Variants in ADGRB3 observed in about 807,000 individuals in gnomAD.
The protein encoded by ADGRB3 is adhesion G protein-coupled receptor B3, also known as brain-specific angiogenesis inhibitor 3.
ADGRB3 carries 37 observed loss-of-function variants against 193.4 expected under a neutral mutation model. The ratio of observed to expected loss-of-function variants is 0.19; its 90% confidence interval spans 0.15 to 0.25. The LOEUF (loss-of-function observed/expected upper bound fraction) is 0.25. Among genes scored for constraint, ADGRB3 ranks in the 10% least tolerant of loss-of-function variants. The pLI is 1.00. For synonymous variants in ADGRB3, 690 were observed against 644.2 expected (o/e 1.07, Z -1.08); for missense variants, 1,637 against 1,852.9 (o/e 0.88, Z 2.14).
At chr6:69,210,764 G>T (rs1430814604) in intron 17 of ADGRB3, among the ~76,000 whole-genome samples, 1 of 152,026 alleles carries the variant, frequency 6.6e-6, no homozygotes, top group Non-Finnish European at 1.5e-5. Flanking sequence ...TTTTGGAGGG[G>T]ACGTTCAAAC....
At chr6:69,361,612 T>C in intron 29 of ADGRB3, 100 bp downstream of exon 29, 1 of 1,336,828 alleles carries the variant, frequency 7.5e-7, no homozygotes, top group South Asian at 1.5e-5. Context: ...GTGACACTGG[T>C]GTGGGAAGAG....
chr6:68,969,932 G>T (rs1768509069), intron 8 of ADGRB3, among the ~76,000 whole-genome samples: 1 of 152,120 alleles, frequency 6.6e-6, no homozygotes, highest in Non-Finnish European at 1.5e-5. Context: ...TGCCCATGTG[G>T]CCCTATAGGC....
At chr6:69,270,178 TA>T (rs1189151222) in intron 20 of ADGRB3, among the ~76,000 whole-genome samples, 11 of 152,148 alleles carry the variant, frequency 7.2e-5, no homozygotes, top group African/African-American at 2.7e-4. Context: ...AAATGGTTTT[TA>T]GATCACCAGG....
chr6:68,888,919 T>G (rs1024544949), intron 3 of ADGRB3, among the ~76,000 whole-genome samples: 2 of 152,200 alleles, frequency 1.3e-5, no homozygotes, highest in African/African-American at 4.8e-5. Flanking sequence ...TTTTCTATTT[T>G]GATTTTTTTC....
intron 3 of ADGRB3, among the ~76,000 whole-genome samples, chr6:68,716,291 T>C (rs1040832614): frequency 6.6e-6 from 1 of 151,676 alleles, no homozygotes; most frequent in Non-Finnish European, 1.5e-5. Context: ...TGTGGAGATT[T>C]ATTTATTTAT....
Position 68,954,059 on chromosome 6 carries a change from G to T in ADGRB3, c.1196-1965G>T, listed in dbSNP as rs537519302. Reference sequence around the variant, plus strand: ...TAAATCCTTTGTTTATTTCTATTTTGTGGCATATGGGATTGTGCCTTTGTC... The same window carrying T: ...TAAATCCTTTGTTTATTTCTATTTTTTGGCATATGGGATTGTGCCTTTGTC... On this transcript the variant is annotated intron_variant, in intron 6 of 31. Coordinates refer to ENST00000370598, the MANE Select transcript of ADGRB3 (RefSeq NM_001704.3). 7.2e-4 allele frequency among the ~76,000 whole-genome samples: 109 copies of T among 152,154 alleles called. 1 individual carries two copies. The highest frequency in any genetic ancestry group is 2.5e-3 in the African/African-American group (102 of 41,520).
chr6:69,150,368 G>T (rs1774637831), intron 17 of ADGRB3, among the ~76,000 whole-genome samples: 1 of 152,128 alleles, frequency 6.6e-6, no homozygotes, highest in Non-Finnish European at 1.5e-5. Context: ...AGGCAGAAAA[G>T]TCTTTCCCCA....
At position 68,846,947 on chromosome 6, in the gene ADGRB3, G is replaced by A. The variant is rs546385002; in HGVS notation, c.758-83612G>A. ...CACTCAATGCCAGCCTGTGAAAGCAGACAGGAGGGAGGCTGTACCATGCAA... is the reference window on the plus strand; with the variant it reads ...CACTCAATGCCAGCCTGTGAAAGCAAACAGGAGGGAGGCTGTACCATGCAA... On this transcript the variant is annotated intron_variant, in intron 3 of 31. Transcript: ENST00000370598. 1.1e-4 allele frequency among the ~76,000 whole-genome samples: 16 copies of A among 152,284 alleles called. No individual in the cohort carries two copies. In the East Asian group the frequency reaches 3.1e-3, roughly 30 times the overall value.
chr6:68,763,696 T>G (rs1268738456), intron 3 of ADGRB3, among the ~76,000 whole-genome samples: 3 of 152,220 alleles, frequency 2.0e-5, no homozygotes, highest in African/African-American at 7.2e-5. Context: ...ATAATCACAC[T>G]TTATATTTTT....
At chr6:69,053,787 C>G (rs182357925) in intron 15 of ADGRB3, among the ~76,000 whole-genome samples, 3 of 152,130 alleles carry the variant, frequency 2.0e-5, no homozygotes, top group Non-Finnish European at 4.4e-5. Context: ...TTTGGCAATA[C>G]CAAGAGCCTT....
At chr6:69,133,670 G>T (rs1197493090) in intron 17 of ADGRB3, among the ~76,000 whole-genome samples, 1 of 100,346 alleles carries the variant, frequency 1.0e-5, no homozygotes, top group African/African-American at 3.0e-5. Flanking sequence ...AACAAAAAAA[G>T]AAAATTTCTT....
chr6:69,030,781 CA>C (rs1409501294), intron 13 of ADGRB3, among the ~76,000 whole-genome samples: 2 of 152,072 alleles, frequency 1.3e-5, no homozygotes, highest in Non-Finnish European at 2.9e-5. Context: ...CAAAACAAAA[CA>C]AAACACATAG....
intron 3 of ADGRB3, among the ~76,000 whole-genome samples, chr6:68,664,635 T>G (rs1252681884): frequency 6.6e-6 from 1 of 151,878 alleles, no homozygotes; most frequent in Non-Finnish European, 1.5e-5. Context: ...CTGTTACACC[T>G]GCCCAAACTG....
intron 17 of ADGRB3, among the ~76,000 whole-genome samples, chr6:69,196,138 T>C (rs1253764012): frequency 1.3e-5 from 2 of 152,180 alleles, no homozygotes; most frequent in Admixed American, 1.3e-4. Flanking sequence ...AAATTAAACC[T>C]TCATATTATA....
chr6:68,972,428 G>A (rs2150264258), intron 8 of ADGRB3, among the ~76,000 whole-genome samples: 1 of 152,124 alleles, frequency 6.6e-6, no homozygotes, highest in East Asian at 1.9e-4. Context: ...GAATGGGGAG[G>A]GTTTGGAGCA....
At chr6:69,026,761 C>T (rs552609356) in intron 13 of ADGRB3, among the ~76,000 whole-genome samples, 6 of 152,150 alleles carry the variant, frequency 3.9e-5, no homozygotes, top group Non-Finnish European at 7.4e-5. Flanking sequence ...GTATTGAATA[C>T]TGTAGGCAAC....
chr6:68,993,209 A>T (rs76501829), intron 10 of ADGRB3, among the ~76,000 whole-genome samples: 1 of 150,846 alleles, frequency 6.6e-6, no homozygotes, highest in Non-Finnish European at 1.5e-5. Flanking sequence ...TTAAAAAAAA[A>T]GCTAAAGCAA....
intron 20 of ADGRB3, among the ~76,000 whole-genome samples, chr6:69,255,580 T>C (rs1766745616): frequency 6.6e-6 from 1 of 152,224 alleles, no homozygotes; most frequent in Admixed American, 6.5e-5. Flanking sequence ...TTGTTTAAGT[T>C]CTTTGTAGAT....
intron 13 of ADGRB3, among the ~76,000 whole-genome samples, chr6:69,033,816 G>A (rs928347765): frequency 1.3e-5 from 2 of 152,000 alleles, no homozygotes; most frequent in Non-Finnish European, 2.9e-5. Context: ...ATGAAGATAC[G>A]TTTTAATGAA....
Sources: allele counts gnomAD v4.1 joint callset (sites outside exome capture counted in the v4.1 genomes callset), GRCh38; gene constraint gnomAD v4.1.1; transcripts MANE v1.5; gene names NCBI Gene and HGNC (gene_info 2026-07-23, HGNC 2026-07-21).